The following OLFM3 variants were observed in gnomAD, a reference collection of about 807,000 sequenced individuals.
The protein encoded by OLFM3 is olfactomedin 3.
Under a neutral mutation model 48.6 loss-of-function variants are expected in OLFM3, and 20 were observed. The observed-to-expected ratio is 0.41, with a 90% confidence interval of 0.29 to 0.60. OLFM3 has a LOEUF of 0.60. OLFM3 is among the 20% of genes least tolerant of loss of function. The probability of loss-of-function intolerance (pLI) is 0.28; values close to 1 mark genes in which losing one functional copy is unlikely to be tolerated. For synonymous variants in OLFM3, 222 were observed against 198.1 expected (o/e 1.12, Z -1.01); for missense variants, 437 against 544.3 (o/e 0.80, Z 1.96).
intron 1 of OLFM3, among the ~76,000 whole-genome samples, chr1:101,907,943 T>C (rs549971375): frequency 1.8e-4 from 28 of 152,376 alleles, no homozygotes; most frequent in Non-Finnish European, 2.9e-4. Context: ...TTATTATCTA[T>C]ATGCATCCCC....
chr1:101,965,826 AC>A (rs1222769567), intron 1 of OLFM3, among the ~76,000 whole-genome samples: 1 of 152,128 alleles, frequency 6.6e-6, no homozygotes, highest in African/African-American at 2.4e-5. Flanking sequence ...TCCATTCTTC[AC>A]CCTTCACCTC....
chr1:101,973,787 G>A (rs553847605), intron 1 of OLFM3, among the ~76,000 whole-genome samples: 44 of 152,122 alleles, frequency 2.9e-4, no homozygotes, highest in Non-Finnish European at 5.9e-4. Flanking sequence ...GTATCAAGAA[G>A]GACAAGAAAG....
chr1:101,995,864 G>A (rs1661542813), intron 1 of OLFM3, among the ~76,000 whole-genome samples: 1 of 152,056 alleles, frequency 6.6e-6, no homozygotes, highest in African/African-American at 2.4e-5. Flanking sequence ...TTTTTCACCA[G>A]GTGGCTTATC....
chr1:101,954,872 G>A lies in OLFM3; in HGVS notation c.69+41876C>T, dbSNP rs543719326. ...TGACTATTTTCAATGTTGTTCCTAT[G>A]AGAATTGTCTTCCTCCCAATTATGC... On this transcript the variant is annotated intron_variant, in intron 1 of 5. Transcript: ENST00000370103. Among the ~76,000 whole-genome samples, 7 of 152,146 alleles carry A rather than the reference G, an allele frequency of 4.6e-5. No homozygotes were observed. The South Asian group carries it at 8.3e-4, about 18-fold the overall frequency.
chr1:101,891,984 A>T (rs1310134751), intron 1 of OLFM3, among the ~76,000 whole-genome samples: 1 of 151,978 alleles, frequency 6.6e-6, no homozygotes, highest in Non-Finnish European at 1.5e-5. Flanking sequence ...TACACTACGG[A>T]TTGTAGAATT....
chr1:101,904,668 A>T (rs545740102), intron 1 of OLFM3, among the ~76,000 whole-genome samples: 1 of 152,232 alleles, frequency 6.6e-6, no homozygotes, highest in South Asian at 2.1e-4. Context: ...CAATTCAATG[A>T]TGACAAATGA....
intron 4 of OLFM3, among the ~76,000 whole-genome samples, chr1:101,809,465 GAT>G (rs1375472885): frequency 6.6e-6 from 1 of 151,818 alleles, no homozygotes; most frequent in Admixed American, 6.6e-5. Flanking sequence ...ACAGAATAAA[GAT>G]ATTTTTTAAC....
intron 1 of OLFM3, among the ~76,000 whole-genome samples, chr1:101,993,943 T>G (rs1280017589): frequency 6.9e-6 from 1 of 145,206 alleles, no homozygotes; most frequent in Non-Finnish European, 1.5e-5. Flanking sequence ...ACCTGTAAGC[T>G]TCAGCGACAG....
chr1:101,805,967 C>A (rs1229671165), intron 5 of OLFM3, 109 bp downstream of exon 5: 1 of 646,066 alleles, frequency 1.5e-6, no homozygotes. Context: ...AAATTATGTA[C>A]CAGTTTTCAA....
chr1:101,959,953 C>G (rs1456911562), intron 1 of OLFM3, among the ~76,000 whole-genome samples: 1 of 152,174 alleles, frequency 6.6e-6, no homozygotes, highest in Non-Finnish European at 1.5e-5. Context: ...AATGCCTCAT[C>G]ATATAACACG....
intron 1 of OLFM3, among the ~76,000 whole-genome samples, chr1:101,850,694 G>A (rs1309737979): frequency 6.6e-6 from 1 of 152,034 alleles, no homozygotes; most frequent in African/African-American, 2.4e-5. Flanking sequence ...CAGTTAATGA[G>A]GTAATTGTGA....
At chr1:101,872,469 C>T (rs1657119501) in intron 1 of OLFM3, among the ~76,000 whole-genome samples, 1 of 151,982 alleles carries the variant, frequency 6.6e-6, no homozygotes, top group African/African-American at 2.4e-5. Context: ...TTAATACATA[C>T]ATGTCTGATT....
chr1:101,907,638 C>T (rs1658598451), intron 1 of OLFM3, among the ~76,000 whole-genome samples: 1 of 152,202 alleles, frequency 6.6e-6, no homozygotes, highest in African/African-American at 2.4e-5. Flanking sequence ...AAGTTTTCAA[C>T]ATTACATGTC....
At chr1:101,961,511 A>T (rs531624263) in intron 1 of OLFM3, among the ~76,000 whole-genome samples, 4 of 152,194 alleles carry the variant, frequency 2.6e-5, no homozygotes, top group African/African-American at 9.6e-5. Flanking sequence ...AGTAAATAAA[A>T]TTAAGTTAGA....
intron 1 of OLFM3, among the ~76,000 whole-genome samples, chr1:101,865,044 C>T (rs1431870256): frequency 6.6e-6 from 1 of 152,140 alleles, no homozygotes; most frequent in Non-Finnish European, 1.5e-5. Context: ...AACTCCTTGG[C>T]TTCAATTTCT....
At chr1:101,876,491 A>G (rs1254291430) in intron 1 of OLFM3, among the ~76,000 whole-genome samples, 8 of 151,992 alleles carry the variant, frequency 5.3e-5, no homozygotes, top group Non-Finnish European at 1.0e-4. Flanking sequence ...GTCTAAAAAA[A>G]TTACTCTTAC....
intron 1 of OLFM3, among the ~76,000 whole-genome samples, chr1:101,852,703 A>G (rs1656270811): frequency 6.6e-6 from 1 of 152,108 alleles, no homozygotes; most frequent in Admixed American, 6.6e-5. Context: ...AAGCAAAACA[A>G]AAATACACCA....
intron 1 of OLFM3, among the ~76,000 whole-genome samples, chr1:101,903,194 A>G (rs1218572622): frequency 6.6e-6 from 1 of 152,114 alleles, no homozygotes; most frequent in African/African-American, 2.4e-5. Context: ...ACTGGAGTCC[A>G]GTCTGAATGG....
rs538399732 is a variant in OLFM3 at position 101,855,710 on chromosome 1, C to A, written c.70-18685G>T. 5.9e-5 allele frequency among the ~76,000 whole-genome samples: 9 copies of A among 152,216 alleles called. No homozygotes were observed. In the East Asian group the frequency reaches 1.7e-3, roughly 29 times the overall value. ...GCTTGGTCCCCCTGCTTTATTTTCA[C>A]TGCAATCTATTTTCAGACTTTTCTA... is the stretch of plus-strand genomic sequence containing the variant. On this transcript the variant is annotated intron_variant, in intron 1 of 5. Transcript: ENST00000370103.
Sources: allele counts gnomAD v4.1 joint callset (sites outside exome capture counted in the v4.1 genomes callset), GRCh38; gene constraint gnomAD v4.1.1; transcripts MANE v1.5; gene names NCBI Gene and HGNC (gene_info 2026-07-23, HGNC 2026-07-21).